Variants in CDYL2 observed in about 807,000 individuals in gnomAD.
The protein encoded by CDYL2 is chromodomain Y like 2, also known as chromodomain Y-like protein 2.
Under a neutral mutation model 49.4 loss-of-function variants are expected in CDYL2, and 23 were observed. The observed-to-expected ratio is 0.47, with a 90% CI of 0.34 to 0.66. The LOEUF is 0.66. Among genes scored for constraint, CDYL2 ranks in the 30% least tolerant of loss-of-function variants. The pLI is 0.01. For synonymous variants in CDYL2, 360 were observed against 268.8 expected, an observed-to-expected ratio of 1.34 and a Z score of -3.32; for missense variants, 678 against 656.4, an observed-to-expected ratio of 1.03 and a Z score of -0.36.
chr16:80,709,311 A>T (rs1904510887), intron 1 of CDYL2, among the ~76,000 whole-genome samples: 1 of 148,736 alleles, frequency 6.7e-6, no homozygotes, highest in Non-Finnish European at 1.5e-5. Context: ...GAACCCGGGG[A>T]GTGGAGGTTG....
intron 2 of CDYL2, among the ~76,000 whole-genome samples, chr16:80,672,803 A>G (rs1279494913): frequency 6.6e-6 from 1 of 152,230 alleles, no homozygotes; most frequent in Non-Finnish European, 1.5e-5. Flanking sequence ...TAACATCCTT[A>G]GCCCACCAAC....
Position 80,612,588 on chromosome 16 carries a change from C to T in CDYL2, c.1218+38G>A, listed in dbSNP as rs1438647257. The T allele has an allele frequency of 2.6e-5, 41 of 1,558,480 alleles. No individual in the cohort carries two copies. The highest frequency in any genetic ancestry group is 1.7e-4 in the South Asian group (14 of 82,086). On this transcript the variant is annotated intron_variant, in intron 5 of 6. Coordinates refer to ENST00000570137, the MANE Select transcript of CDYL2 (RefSeq NM_152342.4). This position sits in a 1 kb window ranked among gnomAD's most constrained non-coding sequence, Gnocchi z 5.0. ...CTAAACCCAAGGCAGAGGAAGGATC[C>T]TGCTGGGACCCGAATCCAGGTATCA...
intron 1 of CDYL2, among the ~76,000 whole-genome samples, chr16:80,788,898 A>C (rs1907520763): frequency 6.6e-6 from 1 of 152,206 alleles, no homozygotes; most frequent in Non-Finnish European, 1.5e-5. Context: ...CTCAACAAGA[A>C]AAAAACAAAC....
intron 1 of CDYL2, among the ~76,000 whole-genome samples, chr16:80,770,045 G>T (rs184777587): frequency 3.9e-4 from 59 of 152,112 alleles, no homozygotes; most frequent in African/African-American, 1.3e-3. Flanking sequence ...GTTAGCAATG[G>T]TCACTGCAGA....
chr16:80,716,882 G>C (rs1466133610), intron 1 of CDYL2, among the ~76,000 whole-genome samples: 1 of 151,904 alleles, frequency 6.6e-6, no homozygotes, highest in Non-Finnish European at 1.5e-5. Flanking sequence ...TGGATGACTG[G>C]ATGGATGGAT....
At chr16:80,635,277 G>C (rs1567549700) in intron 2 of CDYL2, among the ~76,000 whole-genome samples, 1 of 152,158 alleles carries the variant, frequency 6.6e-6, no homozygotes, top group Non-Finnish European at 1.5e-5. Flanking sequence ...TAGTCCAATT[G>C]TCTCTGTTTG....
At chr16:80,724,972 GA>G (rs763028084) in intron 1 of CDYL2, among the ~76,000 whole-genome samples, 1 of 152,144 alleles carries the variant, frequency 6.6e-6, no homozygotes, top group Non-Finnish European at 1.5e-5. Flanking sequence ...AACTAAGAAT[GA>G]AATCCAGACT....
intron 2 of CDYL2, among the ~76,000 whole-genome samples, chr16:80,660,786 C>A (rs371530659): frequency 6.6e-6 from 1 of 151,956 alleles, no homozygotes; most frequent in Non-Finnish European, 1.5e-5. Context: ...GAAAAACTGC[C>A]CAATCAATAG....
At chr16:80,716,760 G>T (rs111209943) in intron 1 of CDYL2, among the ~76,000 whole-genome samples, 14 of 152,188 alleles carry the variant, frequency 9.2e-5, no homozygotes, top group African/African-American at 3.1e-4. Context: ...ATGATAGATG[G>T]ATGACTGGAT....
intron 2 of CDYL2, among the ~76,000 whole-genome samples, chr16:80,672,922 TACAAAAC>T (rs1453384172): frequency 1.3e-5 from 2 of 152,238 alleles, no homozygotes; most frequent in Admixed American, 1.3e-4. Context: ...CGCTGGCTTG[TACAAAAC>T]ACTGTCATGC....
At chr16:80,770,193 A>G (rs934035714) in intron 1 of CDYL2, among the ~76,000 whole-genome samples, 2 of 152,216 alleles carry the variant, frequency 1.3e-5, no homozygotes, top group African/African-American at 4.8e-5. Flanking sequence ...ATGCAACATG[A>G]GTTAATAAAG....
intron 1 of CDYL2, among the ~76,000 whole-genome samples, chr16:80,803,689 C>T (rs1375914832): frequency 7.1e-6 from 1 of 141,282 alleles, no homozygotes; most frequent in African/African-American, 2.6e-5. Flanking sequence ...GCCCCCGGCC[C>T]AGCCGGGCCG....
Position 80,778,750 on chromosome 16 carries a change from T to C in CDYL2, c.24+25400A>G, listed in dbSNP as rs145382329. ...ATTTTGGAAAGAAATGGACTTGAATTACCAAATAATAAAATGTGTTCTAAA... is the reference window on the plus strand; with the variant it reads ...ATTTTGGAAAGAAATGGACTTGAATCACCAAATAATAAAATGTGTTCTAAA... On this transcript the variant is annotated intron_variant, in intron 1 of 6. Coordinates refer to ENST00000570137, the MANE Select transcript of CDYL2 (RefSeq NM_152342.4). Among the ~76,000 whole-genome samples, 1,048 of 152,118 alleles carry C rather than the reference T, an allele frequency of 6.9e-3. 6 individuals are homozygous for C. Among genetic ancestry groups the C allele is most frequent in the Middle Eastern group, 0.017 (5 of 294 alleles).
chr16:80,691,333 T>C (rs1910406681), intron 1 of CDYL2, among the ~76,000 whole-genome samples: 1 of 152,200 alleles, frequency 6.6e-6, no homozygotes, highest in Admixed American at 6.5e-5. Context: ...GCATGGGCTA[T>C]TTAAAATCCA....
chr16:80,741,672 A>G (rs186372995), intron 1 of CDYL2, among the ~76,000 whole-genome samples: 27 of 152,368 alleles, frequency 1.8e-4, no homozygotes, highest in Admixed American at 1.3e-3. Context: ...AGATATTTAA[A>G]TTCACCAGTA....
At chr16:80,645,042 G>C (rs911059019) in intron 2 of CDYL2, among the ~76,000 whole-genome samples, 1 of 152,102 alleles carries the variant, frequency 6.6e-6, no homozygotes, top group African/African-American at 2.4e-5. Context: ...AACCCTAGAA[G>C]AAAACCTAGG....
At chr16:80,772,453 A>AG (rs1275946708) in intron 1 of CDYL2, among the ~76,000 whole-genome samples, 1 of 152,256 alleles carries the variant, frequency 6.6e-6, no homozygotes, top group African/African-American at 2.4e-5. Context: ...TGCAAATTGC[A>AG]ATTTTTTTAT....
chr16:80,654,409 T>C (rs1223894709), intron 2 of CDYL2, among the ~76,000 whole-genome samples: 12 of 152,216 alleles, frequency 7.9e-5, no homozygotes, highest in African/African-American at 1.7e-4. Context: ...GTGGCTCTTA[T>C]TTGCTTTATA....
chr16:80,769,761 A>G (rs1219863573), intron 1 of CDYL2, among the ~76,000 whole-genome samples: 1 of 152,226 alleles, frequency 6.6e-6, no homozygotes, highest in Non-Finnish European at 1.5e-5. Context: ...AATAATAACA[A>G]TAATAAGGTA....
Sources: gnomAD v4.1 joint callset for allele counts (sites outside exome capture counted in the v4.1 genomes callset) on GRCh38, gnomAD v4.1.1 for gene constraint, Gnocchi (gnomAD v3.1) non-coding constraint, MANE v1.5 for transcripts, NCBI Gene and HGNC (gene_info 2026-07-23, HGNC 2026-07-21) for gene names.